The following FYN variants were observed in gnomAD, a reference collection of about 807,000 sequenced individuals.
FYN encodes the protein FYN proto-oncogene, Src family tyrosine kinase, also known as tyrosine-protein kinase Fyn.
FYN carries 10 observed loss-of-function variants against 70.2 expected under a neutral mutation model. The observed-to-expected ratio is 0.14, with a 90% CI of 0.09 to 0.24. The LOEUF is 0.24. Ranked by LOEUF, FYN falls within the 10% of genes least tolerant of loss-of-function variation. The pLI is 1.00. For missense variants in FYN, 319 were observed against 673.1 expected (o/e 0.47, Z 5.82); for synonymous variants, 236 against 248.6 (o/e 0.95, Z 0.48).
chr6:111,837,668 G>A (rs1413609743), intron 2 of FYN, among the ~76,000 whole-genome samples: 5 of 152,092 alleles, frequency 3.3e-5, no homozygotes, highest in African/African-American at 4.8e-5. Context: ...GGGATTTCAC[G>A]GCACTTTGTG....
At chr6:111,797,829 C>G (rs537815313) in intron 2 of FYN, among the ~76,000 whole-genome samples, 1 of 151,998 alleles carries the variant, frequency 6.6e-6, no homozygotes, top group African/African-American at 2.4e-5. Flanking sequence ...GTGGCACGAT[C>G]TTGGCTCACT....
chr6:111,760,001 T>G (rs1014134847), intron 3 of FYN: 1 of 151,892 alleles, frequency 6.6e-6, no homozygotes, highest in Non-Finnish European at 1.5e-5. Context: ...TTTTTTTTTC[T>G]GGGCCTCTGT....
At chr6:111,756,874 A>G (rs768811012) in intron 3 of FYN, among the ~76,000 whole-genome samples, 26 of 152,206 alleles carry the variant, frequency 1.7e-4, no homozygotes, top group Non-Finnish European at 3.2e-4. Context: ...ACCATACTCA[A>G]TGGTGAAATG....
At chr6:111,871,384 A>G (rs1774268771) in intron 1 of FYN, among the ~76,000 whole-genome samples, 1 of 152,198 alleles carries the variant, frequency 6.6e-6, no homozygotes, top group Admixed American at 6.5e-5. Flanking sequence ...AGAAGACAGT[A>G]CATAGGGTGG....
chr6:111,779,434 G>A (rs979183553), intron 3 of FYN, among the ~76,000 whole-genome samples: 3 of 152,102 alleles, frequency 2.0e-5, no homozygotes, highest in African/African-American at 7.2e-5. Context: ...GTTTAAATAT[G>A]GCAACTGAAG....
At chr6:111,750,937 G>A (rs2128486771) in intron 3 of FYN, among the ~76,000 whole-genome samples, 1 of 152,194 alleles carries the variant, frequency 6.6e-6, no homozygotes, top group Admixed American at 6.5e-5. Flanking sequence ...ATGAATGAGT[G>A]CAAGCCTCAG....
intron 2 of FYN, among the ~76,000 whole-genome samples, chr6:111,785,037 C>CA (rs1441769610): frequency 2.6e-5 from 4 of 152,326 alleles, no homozygotes; most frequent in Middle Eastern, 6.8e-3. Flanking sequence ...ACTTCTTAGC[C>CA]ACAAGAGCAT....
chr6:111,732,889 C>T (rs1046154580), intron 3 of FYN, among the ~76,000 whole-genome samples: 5 of 152,074 alleles, frequency 3.3e-5, no homozygotes, highest in Admixed American at 6.5e-5. Flanking sequence ...CACAGCTGCT[C>T]GTCTACCCGA....
chr6:111,774,416 G>T (rs1264629224), intron 3 of FYN, among the ~76,000 whole-genome samples: 1 of 152,162 alleles, frequency 6.6e-6, no homozygotes, highest in African/African-American at 2.4e-5. Context: ...TCTCCATAGG[G>T]GTGCTATGAA....
intron 2 of FYN, among the ~76,000 whole-genome samples, chr6:111,840,567 T>G (rs971260895): frequency 6.6e-6 from 1 of 152,216 alleles, no homozygotes; most frequent in African/African-American, 2.4e-5. Context: ...CCATCAAGTT[T>G]GTGGTAATTT....
At chr6:111,821,432 T>C (rs1211427724) in intron 2 of FYN, among the ~76,000 whole-genome samples, 2 of 152,182 alleles carry the variant, frequency 1.3e-5, no homozygotes, top group Non-Finnish European at 2.9e-5. Context: ...GCTAGCCATA[T>C]GTAGAGAGCT....
chr6:111,803,128 C>T (rs1772040462), intron 2 of FYN, among the ~76,000 whole-genome samples: 1 of 152,242 alleles, frequency 6.6e-6, no homozygotes, highest in African/African-American at 2.4e-5. Flanking sequence ...CTGCTTCCCA[C>T]TAACCCTCAA....
intron 2 of FYN, among the ~76,000 whole-genome samples, chr6:111,832,853 T>C (rs1773064729): frequency 1.3e-5 from 2 of 152,164 alleles, no homozygotes; most frequent in African/African-American, 4.8e-5. Flanking sequence ...CCACCATCAC[T>C]AATCTTTCTG....
intron 5 of FYN, among the ~76,000 whole-genome samples, chr6:111,709,628 GTTC>G (rs1413842602): frequency 2.0e-5 from 3 of 152,100 alleles, no homozygotes; most frequent in African/African-American, 7.2e-5. Context: ...TATTCAGAAA[GTTC>G]TTTATTCATA....
At chr6:111,750,234 T>A (rs1461585513) in intron 3 of FYN, among the ~76,000 whole-genome samples, 1 of 152,190 alleles carries the variant, frequency 6.6e-6, no homozygotes, top group Non-Finnish European at 1.5e-5. Flanking sequence ...AATTGGGTCA[T>A]GGGGGTAGTT....
chr6:111,796,152 C>T (rs367797496), intron 2 of FYN, among the ~76,000 whole-genome samples: 1 of 152,254 alleles, frequency 6.6e-6, no homozygotes, highest in African/African-American at 2.4e-5. Context: ...GGATTTGAAC[C>T]TTCATTAGTC....
At chr6:111,839,868 T>C (rs922176232) in intron 2 of FYN, among the ~76,000 whole-genome samples, 1 of 152,084 alleles carries the variant, frequency 6.6e-6, no homozygotes, top group Non-Finnish European at 1.5e-5. Flanking sequence ...TAAGTGCTTG[T>C]CCCATCTCTG....
chr6:111,724,645 G>C (rs1801114554), intron 3 of FYN, among the ~76,000 whole-genome samples: 1 of 152,328 alleles, frequency 6.6e-6, no homozygotes, highest in Admixed American at 6.5e-5. Flanking sequence ...GCAGGCAGAG[G>C]AGGAATGGCA....
chr6:111,785,973 C>G (rs1771359995), intron 2 of FYN, among the ~76,000 whole-genome samples: 1 of 151,946 alleles, frequency 6.6e-6, no homozygotes, highest in Non-Finnish European at 1.5e-5. Flanking sequence ...CCAGCTTCAT[C>G]CATGTCCCTA....
Sources: allele counts gnomAD v4.1 joint callset (sites outside exome capture counted in the v4.1 genomes callset), GRCh38; gene constraint gnomAD v4.1.1; transcripts MANE v1.5; gene names NCBI Gene and HGNC (gene_info 2026-07-23, HGNC 2026-07-21).